Variants in FKBP8 observed in about 807,000 individuals in gnomAD.
The protein encoded by FKBP8 is peptidyl-prolyl cis-trans isomerase FKBP8.
FKBP8 carries 5 observed loss-of-function variants against 41.7 expected under a neutral mutation model. The observed-to-expected ratio is 0.12, with a 90% CI of 0.06 to 0.25. The LOEUF is 0.25. FKBP8 is among the 10% of genes least tolerant of loss of function. The pLI, the probability that FKBP8 is intolerant of heterozygous loss-of-function variation, is 1.00. For missense variants in FKBP8, 397 were observed against 563.0 expected (o/e 0.71, Z 2.98); for synonymous variants, 279 against 254.5 (o/e 1.10, Z -0.92).
intron 1 of FKBP8, 110 bp from the exon 2 acceptor site, chr19:18,542,105 C>T (rs1416726970): frequency 1.4e-6 from 2 of 1,438,424 alleles, no homozygotes; most frequent in African/African-American, 1.4e-5. Context: ...TCAAGGGCTC[C>T]AGGCCTCAGT....
Position 18,538,227 on chromosome 19 carries a change from G to A in FKBP8, c.761C>T (p.Ser254Phe), listed in dbSNP as rs1381435007. 1 of 1,607,158 alleles carries A rather than the reference G, an allele frequency of 6.2e-7. No homozygotes were observed. The highest frequency in any genetic ancestry group is 1.3e-5 in the African/African-American group (1 of 74,820). The change falls in exon 5 of 9, where the codon TCC (serine) becomes TTC (phenylalanine). Residue 254 changes from serine to phenylalanine, a missense_variant. Physicochemically the swap from Ser to Phe is radical, Grantham distance 155. Around this residue, in one of 2 missense-constraint regions of FKBP8, gnomAD observed 225 missense variants for 366.8 expected, o/e 0.61. Transcript: ENST00000608443. This position sits in a 1 kb window ranked among gnomAD's most constrained non-coding sequence, Gnocchi z 4.0. ...SYDLAIKAIT[S>F]SAKVDMTFEE... ...ACCCAGGCGGTCACCTTTGGCGCTG[G>A]AGGTGATAGCCTTGATGGCGAGGTC... is the stretch of plus-strand genomic sequence containing the variant.
Position 18,539,637 on chromosome 19 carries a change from G to T in FKBP8, c.376C>A (p.His126Asn). The T allele has an allele frequency of 6.2e-7, 1 of 1,612,794 alleles. No individual in the cohort carries two copies. Residue 126 changes from histidine (H) to asparagine (N), a missense_variant, in exon 3 of 9, where the codon CAT becomes AAT. Transcript: ENST00000608443. ...RPVKGQVVTV[H>N]LQTSLENGTR... is the part of the protein sequence containing the mutation. ...CCATTCTCCAGCGACGTCTGCAGATGTACGGTGACCACCTGGCCCTTGACC... is the reference window on the plus strand; with the variant it reads ...CCATTCTCCAGCGACGTCTGCAGATTTACGGTGACCACCTGGCCCTTGACC...
intron 4 of FKBP8, 125 bp downstream of exon 4, chr19:18,539,246 A>G: frequency 1.1e-6 from 1 of 870,004 alleles, no homozygotes; most frequent in Non-Finnish European, 1.8e-6. Flanking sequence ...GGTGTGAGCC[A>G]CCTCACCCAG....
rs2145197077 is a variant in FKBP8 at position 18,543,543 on chromosome 19, G to C, written c.-83C>G. 6.7e-6 allele frequency: 1 copy of C among 149,312 alleles called. No individual in the cohort carries two copies. Among genetic ancestry groups the C allele is most frequent in the Non-Finnish European group, 1.5e-5 (1 of 67,088 alleles). The allele number at this position is 149,312 out of a possible 1,614,324, so 9.2% of individuals were successfully genotyped here. On this transcript the variant is annotated 5_prime_UTR_variant, in exon 1 of 9. Coordinates refer to ENST00000608443, the MANE Select transcript of FKBP8 (RefSeq NM_012181.5). Reference sequence around the variant, plus strand: ...CGCCCCCCTCCCCGCCCCCAGCCGCGGCCGCCGCGCCTCGGGAACCAGGTT... The same window carrying C: ...CGCCCCCCTCCCCGCCCCCAGCCGCCGCCGCCGCGCCTCGGGAACCAGGTT...
At chr19:18,532,474 C>G in intron 8 of FKBP8, 190 bp downstream of exon 8, 1 of 998,260 alleles carries the variant, frequency 1.0e-6, no homozygotes. Context: ...GCTCCACAGT[C>G]CACCCCCAGC....
chr19:18,533,368 C>A, intron 6 of FKBP8, 21 bp from the exon 7 acceptor site: 1 of 1,588,102 alleles, frequency 6.3e-7, no homozygotes, highest in Non-Finnish European at 8.6e-7. Context: ...AAGGGGGTGG[C>A]ATCACTCTGG....
rs113307565 is a variant in FKBP8, at chr19:18,538,417, G to A, written c.571C>T (p.Pro191Ser). ...ACCTCCAGGCACAGGGCCGCGTGCG[G>A]GGGGATGTATGGGCTCCTGCTAGTT... ...PQGSRSPYIP[P>S]HAALCLEVTL... The change falls in exon 5 of 9, where the codon CCG becomes TCG. Residue 191 changes from proline (P) to serine (S), a missense_variant. Coordinates refer to ENST00000608443, the MANE Select transcript of FKBP8 (RefSeq NM_012181.5). The surrounding 1 kb of genome is among the most constrained non-coding windows in gnomAD (Gnocchi z 4.0). 1.9e-5 allele frequency: 31 copies of A among 1,612,372 alleles called. No individual in the cohort carries two copies. The highest frequency in any genetic ancestry group is 1.1e-5 in the Non-Finnish European group (13 of 1,179,910).
At chr19:18,536,869 T>C (rs1254916133) in intron 6 of FKBP8, among the ~76,000 whole-genome samples, 2 of 152,180 alleles carry the variant, frequency 1.3e-5, no homozygotes, top group Non-Finnish European at 2.9e-5. Context: ...AGAGCCTGGC[T>C]AGACAGCAGA....
rs758781202 is a variant in FKBP8 at position 18,537,797 on chromosome 19, C to T, written c.773-24G>A. On this transcript the variant is annotated intron_variant, in intron 5 of 8. Coordinates refer to ENST00000608443, the MANE Select transcript of FKBP8 (RefSeq NM_012181.5). The surrounding 1 kb of genome is among the most constrained non-coding windows in gnomAD (Gnocchi z 4.4). ...CACTATTGGGAGACAGTGCCCGCCA[C>T]GGCAGCCGTCACCATGCCACCAGAC... is the stretch of plus-strand genomic sequence containing the variant. 1.9e-5 allele frequency: 30 copies of T among 1,584,848 alleles called. No homozygotes were observed. Among genetic ancestry groups the T allele is most frequent in the Admixed American group, 1.2e-4 (7 of 58,630 alleles).
In FKBP8 at chr19:18,538,316, C is replaced by A. The variant is rs372088507; in HGVS notation, c.672G>T (p.Arg224=). The part of the protein sequence containing the change: ...TGQERVALAN[R]KRECGNAHYQ... ...AGTGGGCGTTGCCGCACTCCCGCTT[C>A]CGGTTGGCCAGGGCCACGCGCTCCT... Residue 224 remains arginine (R), a synonymous_variant, in exon 5 of 9, where the codon CGG becomes CGT. Coordinates refer to ENST00000608443, the MANE Select transcript of FKBP8 (RefSeq NM_012181.5). The surrounding 1 kb of genome is among the most constrained non-coding windows in gnomAD (Gnocchi z 4.0). 5.0e-6 allele frequency: 8 copies of A among 1,613,634 alleles called. No homozygotes were observed. Among genetic ancestry groups the A allele is most frequent in the Non-Finnish European group, 5.1e-6 (6 of 1,179,914 alleles).
Position 18,538,406 on chromosome 19 carries a change from G to GACTTCACCTTCAACTGCAGGAGCTGT in FKBP8, c.581_582insACAGCTCCTGCAGTTGAAGGTGAAGT (p.Leu195GlnfsTer14). ...TCTTCAGGGTCACCTCCAGGCACAGGGCCGCGTGCGGGGGGATGTATGGGC... is the reference window on the plus strand; with the variant it reads ...TCTTCAGGGTCACCTCCAGGCACAGGACTTCACCTTCAACTGCAGGAGCTGTGCCGCGTGCGGGGGGATGTATGGGC... On this transcript the variant is annotated frameshift_variant, in exon 5 of 9. Coordinates refer to ENST00000608443, the MANE Select transcript of FKBP8 (RefSeq NM_012181.5). LOFTEE classifies it high-confidence loss of function. This position sits in a 1 kb window ranked among gnomAD's most constrained non-coding sequence, Gnocchi z 4.0. 6.2e-7 allele frequency: 1 copy of GACTTCACCTTCAACTGCAGGAGCTGT among 1,612,988 alleles called. No homozygotes were observed.
Position 18,539,142 on chromosome 19 carries a change from G to T in FKBP8, c.551+229C>A, listed in dbSNP as rs529741135. On this transcript the variant is annotated intron_variant, in intron 4 of 8. Coordinates refer to ENST00000608443, the MANE Select transcript of FKBP8 (RefSeq NM_012181.5). ...ACCCAGCTAATTTTTAAATTTTTTT[G>T]TATAGAGATGCGGTCTATATTGCTT... 5.9e-5 allele frequency among the ~76,000 whole-genome samples: 9 copies of T among 152,168 alleles called. 1 individual carries two copies. In the South Asian group the frequency reaches 1.7e-3, roughly 28 times the overall value.
At chr19:18,541,411 C>A (rs946181870) in intron 2 of FKBP8, among the ~76,000 whole-genome samples, 1 of 152,200 alleles carries the variant, frequency 6.6e-6, no homozygotes, top group Non-Finnish European at 1.5e-5. Context: ...CAGCGCCTGG[C>A]GTGCTGGCTG....
chr19:18,537,553 G>C lies in FKBP8; in HGVS notation c.945+48C>G. 1.3e-6 allele frequency: 2 copies of C among 1,522,962 alleles called. No individual in the cohort carries two copies. The allele number at this position is 1,522,962 out of a possible 1,614,324, so 94.3% of individuals were successfully genotyped here. On this transcript the variant is annotated intron_variant, in intron 6 of 8. Coordinates refer to ENST00000608443, the MANE Select transcript of FKBP8 (RefSeq NM_012181.5). This position sits in a 1 kb window ranked among gnomAD's most constrained non-coding sequence, Gnocchi z 4.4. ...CAAATGCAGGGTTGGGGACCACCCC[G>C]TATACCCCAGGCTGAGTGACCCGGC...
intron 6 of FKBP8, 51 bp from the exon 7 acceptor site, chr19:18,533,398 CT>C: frequency 6.8e-7 from 1 of 1,478,966 alleles, no homozygotes; most frequent in Non-Finnish European, 9.2e-7. Context: ...TGGGCCTGTC[CT>C]TCAAGAAATC....
Position 18,537,966 on chromosome 19 carries a change from T to G in FKBP8, c.773-193A>C. The G allele has an allele frequency of 1.5e-6, 1 of 681,556 alleles. No individual in the cohort carries two copies. Among genetic ancestry groups the G allele is most frequent in the African/African-American group, 1.8e-5 (1 of 55,378 alleles). 42.2% of individuals were successfully genotyped at this position (681,556 alleles called of 1,614,324 possible). Reference sequence around the variant, plus strand: ...CTTAAGCAAGCGAGGGCCTAGCCTGTGGTACATGTGAACTGGCCCTGTCTA... The same window carrying G: ...CTTAAGCAAGCGAGGGCCTAGCCTGGGGTACATGTGAACTGGCCCTGTCTA... On this transcript the variant is annotated intron_variant, in intron 5 of 8. Transcript: ENST00000608443. This position sits in a 1 kb window ranked among gnomAD's most constrained non-coding sequence, Gnocchi z 4.4.
At chr19:18,536,321 A>T (rs1247809276) in intron 6 of FKBP8, 2 of 152,170 alleles carry the variant, frequency 1.3e-5, no homozygotes, top group Admixed American at 1.3e-4. Flanking sequence ...TGTGCAAGCC[A>T]GATTCACCCC....
Position 18,541,662 on chromosome 19 carries a change from C to A in FKBP8, c.292+17G>T. The A allele has an allele frequency of 6.3e-7, 1 of 1,584,114 alleles. No homozygotes were observed. The highest frequency in any genetic ancestry group is 8.6e-7 in the Non-Finnish European group (1 of 1,161,496). On this transcript the variant is annotated intron_variant, in intron 2 of 8. Transcript: ENST00000608443. ...GGGCCAGGGCCAAGGGCACCCTGAT[C>A]CACCTTTGCTCCTTACCCAGAATGT...
chr19:18,538,333 C>A lies in FKBP8; in HGVS notation c.655G>T (p.Val219Leu). 1 of 1,613,558 alleles carries A rather than the reference C, an allele frequency of 6.2e-7. No individual in the cohort carries two copies. The highest frequency in any genetic ancestry group is 8.5e-7 in the Non-Finnish European group (1 of 1,179,936). Residue 219 changes from valine (V) to leucine (L), a missense_variant, in exon 5 of 9, where the codon GTG becomes TTG. Val to Leu is a conservative substitution (Grantham distance 32). Coordinates refer to ENST00000608443, the MANE Select transcript of FKBP8 (RefSeq NM_012181.5). This position sits in a 1 kb window ranked among gnomAD's most constrained non-coding sequence, Gnocchi z 4.0. ...TCCCGCTTCCGGTTGGCCAGGGCCA[C>A]GCGCTCCTGCCCCGTGAGCATCTCC... The part of the protein sequence containing the change: ...DLEMLTGQER[V>L]ALANRKRECG...
Sources: allele counts gnomAD v4.1 joint callset (sites outside exome capture counted in the v4.1 genomes callset), GRCh38; gene constraint gnomAD v4.1.1; regional missense constraint gnomAD v4.1.1; non-coding constraint Gnocchi (gnomAD v3.1); transcripts MANE v1.5; gene names NCBI Gene and HGNC (gene_info 2026-07-23, HGNC 2026-07-21).